Variants in MKLN1 observed in about 807,000 individuals in gnomAD.
MKLN1 encodes muskelin.
MKLN1 carries 18 observed loss-of-function variants against 99.0 expected under a neutral mutation model. The ratio of observed to expected loss-of-function variants is 0.18; its 90% CI spans 0.13 to 0.27. The LOEUF (loss-of-function observed/expected upper bound fraction) is 0.27. MKLN1 is among the 10% of genes least tolerant of loss of function. The pLI is 1.00. For missense variants in MKLN1, 621 were observed against 875.9 expected, an observed-to-expected ratio of 0.71 and a Z score of 3.67; for synonymous variants, 288 against 293.2, an observed-to-expected ratio of 0.98 and a Z score of 0.18.
intron 15 of MKLN1, among the ~76,000 whole-genome samples, chr7:131,467,718 T>C (rs964203699): frequency 6.6e-6 from 1 of 152,200 alleles, no homozygotes; most frequent in African/African-American, 2.4e-5. Context: ...GCTTTTACTC[T>C]TAGGGGAGAT....
chr7:131,473,872 G>A (rs1796894989), intron 16 of MKLN1, among the ~76,000 whole-genome samples: 1 of 152,190 alleles, frequency 6.6e-6, no homozygotes, highest in Non-Finnish European at 1.5e-5. Context: ...TACTGGGCCG[G>A]GCACAGTGGT....
At chr7:131,284,005 TA>T (rs577746752) in intron 3 of MKLN1, among the ~76,000 whole-genome samples, 121 of 152,336 alleles carry the variant, frequency 7.9e-4, no homozygotes, top group African/African-American at 2.7e-3. Context: ...CTCCATTGTG[TA>T]AATGTTCTAG....
intron 3 of MKLN1, among the ~76,000 whole-genome samples, chr7:131,259,519 TA>T (rs1284499956): frequency 6.6e-6 from 1 of 152,146 alleles, no homozygotes; most frequent in Non-Finnish European, 1.5e-5. Context: ...ATATCACCCC[TA>T]AATACTTTAA....
In MKLN1 at chr7:131,196,254, G is replaced by A. The variant is rs1014846014; in HGVS notation, c.-296-6603G>A. Among the ~76,000 whole-genome samples the A allele has an allele frequency of 6.6e-5, 10 of 152,250 alleles. No individual in the cohort carries two copies. In the East Asian group the frequency reaches 1.9e-3, roughly 29 times the overall value. On this transcript the variant is annotated intron_variant, in intron 2 of 7. Transcript: ENST00000416992. ...TATTCCATTCCTCCTCTCAAATCCAGGATGTCTGTGGAAATGTGGGTTCCT... is the reference window on the plus strand; with the variant it reads ...TATTCCATTCCTCCTCTCAAATCCAAGATGTCTGTGGAAATGTGGGTTCCT...
At chr7:131,266,299 C>A (rs890728873) in intron 3 of MKLN1, among the ~76,000 whole-genome samples, 2 of 151,604 alleles carry the variant, frequency 1.3e-5, no homozygotes, top group African/African-American at 4.8e-5. Context: ...TTGTTTCTTG[C>A]AATAGTTGTG....
chr7:131,349,084 C>G (rs914028267), intron 1 of MKLN1, among the ~76,000 whole-genome samples: 6 of 151,972 alleles, frequency 3.9e-5, no homozygotes, highest in African/African-American at 9.7e-5. Context: ...TGTTGCCCAA[C>G]AAAGATATTT....
chr7:131,143,680 C>T (rs564794962), intron 2 of MKLN1, among the ~76,000 whole-genome samples: 80 of 151,876 alleles, frequency 5.3e-4, no homozygotes, highest in East Asian at 2.1e-3. Context: ...TAAAAATTAT[C>T]TAGGACTACA....
intron 8 of MKLN1, among the ~76,000 whole-genome samples, chr7:131,419,355 ACT>A (rs1341226624): frequency 2.1e-5 from 3 of 144,856 alleles, no homozygotes; most frequent in Admixed American, 7.0e-5. Flanking sequence ...GGTTCAAGTG[ACT>A]CTCCTGCCTC....
chr7:131,448,495 G>A (rs1563354339), intron 12 of MKLN1, among the ~76,000 whole-genome samples: 1 of 151,938 alleles, frequency 6.6e-6, no homozygotes, highest in South Asian at 2.1e-4. Context: ...AAAATAAGAT[G>A]CAAAAAAGAA....
intron 2 of MKLN1, among the ~76,000 whole-genome samples, chr7:131,189,472 A>G (rs1378349015): frequency 6.6e-6 from 1 of 152,064 alleles, no homozygotes; most frequent in African/African-American, 2.4e-5. Context: ...GTAAACATAG[A>G]TAGCTCTTGC....
chr7:131,335,545 A>G (rs1799226041), intron 1 of MKLN1, among the ~76,000 whole-genome samples: 1 of 152,158 alleles, frequency 6.6e-6, no homozygotes, highest in African/African-American at 2.4e-5. Flanking sequence ...TAATAATTGG[A>G]AAACTAGGCT....
chr7:131,142,695 AC>A, intron 1 of MKLN1: 1 of 305,956 alleles, frequency 3.3e-6, no homozygotes, highest in Non-Finnish European at 6.4e-6. Context: ...AGATCGCCCC[AC>A]TGCACTCCAG....
intron 3 of MKLN1, among the ~76,000 whole-genome samples, chr7:131,280,809 C>G (rs1798039652): frequency 6.6e-6 from 1 of 152,046 alleles, no homozygotes; most frequent in African/African-American, 2.4e-5. Flanking sequence ...CCACCACACC[C>G]AGCTAATTTT....
At chr7:131,370,683 C>T (rs534484538) in intron 1 of MKLN1, among the ~76,000 whole-genome samples, 1 of 152,194 alleles carries the variant, frequency 6.6e-6, no homozygotes, top group African/African-American at 2.4e-5. Context: ...CTTCAACTGA[C>T]AGGGCAAGTT....
At chr7:131,428,551 T>C (rs760557778) in intron 8 of MKLN1, among the ~76,000 whole-genome samples, 30 of 152,228 alleles carry the variant, frequency 2.0e-4, no homozygotes, top group Non-Finnish European at 3.7e-4. Flanking sequence ...AATGTTCTTA[T>C]GCTGTACTTT....
chr7:131,389,806 G>GTGA lies in MKLN1; in HGVS notation c.400+835_400+837dup, dbSNP rs1160606883. On this transcript the variant is annotated intron_variant, in intron 4 of 17. Transcript: ENST00000352689. ...CGGGAAGCTGAGGTGGGAGAATGCTGTGAACCCAGGAGGCAGAGTTTGCAG... is the reference window on the plus strand; with the variant it reads ...CGGGAAGCTGAGGTGGGAGAATGCTGTGATGAACCCAGGAGGCAGAGTTTGCAG... Among the ~76,000 whole-genome samples the GTGA allele has an allele frequency of 3.3e-5, 5 of 151,594 alleles. No homozygotes were observed. In the East Asian group the frequency reaches 9.7e-4, roughly 29 times the overall value.
At chr7:131,414,160 C>T (rs915262734) in intron 7 of MKLN1, among the ~76,000 whole-genome samples, 5 of 152,074 alleles carry the variant, frequency 3.3e-5, no homozygotes, top group South Asian at 2.1e-4. Context: ...TAATTGTATA[C>T]ATTATACAAA....
intron 1 of MKLN1, among the ~76,000 whole-genome samples, chr7:131,365,525 C>T (rs1027037943): frequency 2.0e-5 from 3 of 152,134 alleles, no homozygotes; most frequent in Admixed American, 6.6e-5. Context: ...CCTGTTCTTA[C>T]GTCCAGGGTG....
rs1563226557 is a variant in MKLN1, at chr7:131,133,819, G to GTTTTTTTTTT, written c.-418-9001_-418-9000insTTTTTTTTTT. On this transcript the variant is annotated intron_variant, in intron 1 of 7. Transcript: ENST00000416992. ...ACTTCTTTTTTTTTTTTTTTAATTTGGTTTTTTTTTTTTTTTTTTTTTTTT... is the reference window on the plus strand; with the variant it reads ...ACTTCTTTTTTTTTTTTTTTAATTTGTTTTTTTTTTGTTTTTTTTTTTTTTTTTTTTTTTT... 4.5e-5 allele frequency among the ~76,000 whole-genome samples: 3 copies of GTTTTTTTTTT among 67,238 alleles called. 1 individual carries two copies. Among genetic ancestry groups the GTTTTTTTTTT allele is most frequent in the Non-Finnish European group, 6.2e-5 (2 of 32,210 alleles). The allele number at this position is 67,238 out of a possible 152,430, so 44.1% of individuals were successfully genotyped here.
Sources: allele counts gnomAD v4.1 joint callset (sites outside exome capture counted in the v4.1 genomes callset), GRCh38; gene constraint gnomAD v4.1.1; transcripts MANE v1.5; gene names NCBI Gene and HGNC (gene_info 2026-07-23, HGNC 2026-07-21).